The following ADORA2B variants were observed in gnomAD, a reference collection of about 807,000 sequenced individuals.
ADORA2B encodes the protein adenosine receptor A2b.
In ADORA2B, 18 loss-of-function variants were observed where a neutral mutation model predicts 20.8. That is an observed-to-expected ratio of 0.87 (90% CI 0.60 to 1.29). The LOEUF is 1.29. ADORA2B is among the 50% of genes most tolerant of loss of function. The pLI is 0.00. For missense variants in ADORA2B, 441 were observed against 422.7 expected, an observed-to-expected ratio of 1.04 and a Z score of -0.38; for synonymous variants, 179 against 178.3, an observed-to-expected ratio of 1.00 and a Z score of -0.03.
chr17:15,919,592 G>T, the ADORA2B span, among the ~76,000 whole-genome samples: 1 of 152,172 alleles, frequency 6.6e-6, no homozygotes, highest in African/African-American at 2.4e-5. Context: ...TGTGTCTTTG[G>T]TCACCTAGTG....
chr17:15,878,759 T>C, the ADORA2B span, among the ~76,000 whole-genome samples: 3 of 152,226 alleles, frequency 2.0e-5, no homozygotes, highest in Non-Finnish European at 4.4e-5. Context: ...CTTACATCTG[T>C]TTTGAATTTA....
chr17:15,940,533 G>A (rs1312857182), upstream of ADORA2B, among the ~76,000 whole-genome samples: 1 of 152,180 alleles, frequency 6.6e-6, no homozygotes, highest in African/African-American at 2.4e-5. Flanking sequence ...TGTGACTCCT[G>A]ATGTGTGCCA....
the ADORA2B span, among the ~76,000 whole-genome samples, chr17:15,877,460 G>T: frequency 6.6e-6 from 1 of 152,240 alleles, no homozygotes; most frequent in South Asian, 2.1e-4. Flanking sequence ...CCTGATGTCA[G>T]TGTCTTTAGG....
At chr17:15,967,891 G>T (rs998289050) in intron 1 of ADORA2B, among the ~76,000 whole-genome samples, 1 of 152,108 alleles carries the variant, frequency 6.6e-6, no homozygotes, top group Admixed American at 6.5e-5. Flanking sequence ...CAGTGTGAGT[G>T]GACGAAAAGG....
At chr17:15,967,096 G>A (rs1408818533) in intron 1 of ADORA2B, among the ~76,000 whole-genome samples, 1 of 152,208 alleles carries the variant, frequency 6.6e-6, no homozygotes. Flanking sequence ...CTGGCCTGGG[G>A]AGAGGACAGA....
At chr17:15,900,052 G>A in the ADORA2B span, among the ~76,000 whole-genome samples, 7 of 152,034 alleles carry the variant, frequency 4.6e-5, no homozygotes, top group East Asian at 7.8e-4. Context: ...GGGTGGTCTC[G>A]ATCTCTTGAC....
At chr17:15,862,778 A>G in the ADORA2B span, among the ~76,000 whole-genome samples, 1 of 151,192 alleles carries the variant, frequency 6.6e-6, no homozygotes, top group African/African-American at 2.4e-5. Context: ...TTATCAGTAT[A>G]CAAAATCGGC....
intron 1 of ADORA2B, among the ~76,000 whole-genome samples, chr17:15,946,381 C>T (rs546400480): frequency 6.6e-6 from 1 of 152,316 alleles, no homozygotes; most frequent in South Asian, 2.1e-4. Flanking sequence ...CTGAGAAAAT[C>T]TAGGATTCAG....
chr17:15,870,540 G>A, the ADORA2B span, among the ~76,000 whole-genome samples: 4 of 151,298 alleles, frequency 2.6e-5, no homozygotes, highest in African/African-American at 9.8e-5. Flanking sequence ...TTGAGCCCAG[G>A]AGGCAGAGGT....
the ADORA2B span, among the ~76,000 whole-genome samples, chr17:15,868,542 G>A: frequency 1.7e-4 from 23 of 137,640 alleles, 4 homozygotes; most frequent in South Asian, 5.4e-3. Flanking sequence ...GGAGGCCGAG[G>A]CGGGCGGATA....
chr17:15,908,203 T>C, the ADORA2B span, among the ~76,000 whole-genome samples: 1 of 152,110 alleles, frequency 6.6e-6, no homozygotes, highest in Non-Finnish European at 1.5e-5. Flanking sequence ...TCCTCCCACC[T>C]GAGCCTCACA....
At chr17:15,925,797 G>C in the ADORA2B span, among the ~76,000 whole-genome samples, 1 of 152,074 alleles carries the variant, frequency 6.6e-6, no homozygotes, top group Non-Finnish European at 1.5e-5. Context: ...GTGAAACCCT[G>C]TCTCTACTAA....
chr17:15,958,254 G>A (rs1156903285), intron 1 of ADORA2B, among the ~76,000 whole-genome samples: 1 of 152,128 alleles, frequency 6.6e-6, no homozygotes, highest in African/African-American at 2.4e-5. Context: ...CCAACGTCAG[G>A]TGATCTGCCC....
At chr17:15,868,891 T>A in the ADORA2B span, among the ~76,000 whole-genome samples, 1 of 150,972 alleles carries the variant, frequency 6.6e-6, no homozygotes, top group Admixed American at 6.6e-5. Flanking sequence ...ATAAATATAG[T>A]TTGAAGGGCT....
chr17:15,857,720 C>T, the ADORA2B span, among the ~76,000 whole-genome samples: 1 of 151,762 alleles, frequency 6.6e-6, no homozygotes, highest in Non-Finnish European at 1.5e-5. Flanking sequence ...GTCAATTTCT[C>T]CCATTTGGAA....
At position 15,959,557 on chromosome 17, in the gene ADORA2B, A is replaced by G. The variant is rs139823066; in HGVS notation, c.335+13974A>G. On this transcript the variant is annotated intron_variant, in intron 1 of 1. Transcript: ENST00000304222. Reference sequence around the variant, plus strand: ...GCTCTATCACCCAGGCTGGGGTGCAATGGCGCGATCTGAGCTCACGGCAAC... The same window carrying G: ...GCTCTATCACCCAGGCTGGGGTGCAGTGGCGCGATCTGAGCTCACGGCAAC... 7.2e-3 allele frequency among the ~76,000 whole-genome samples: 1,004 copies of G among 139,284 alleles called. 19 individuals carry two copies. Among genetic ancestry groups the G allele is most frequent in the African/African-American group, 0.025 (935 of 37,252 alleles). The allele number at this position is 139,284 out of a possible 152,430, so 91.4% of individuals were successfully genotyped here.
At chr17:15,939,859 C>CAAAAAA in the ADORA2B span, among the ~76,000 whole-genome samples, 5 of 53,360 alleles carry the variant, frequency 9.4e-5, no homozygotes, top group Non-Finnish European at 7.6e-5. Context: ...GACTCTGTCT[C>CAAAAAA]AAAAAAAAAA....
chr17:15,922,645 C>T, the ADORA2B span, among the ~76,000 whole-genome samples: 2 of 152,196 alleles, frequency 1.3e-5, no homozygotes, highest in African/African-American at 4.8e-5. Flanking sequence ...CAGTCTTTTG[C>T]TCTTATGACA....
chr17:15,945,205 GC>G lies in ADORA2B; in HGVS notation c.-43del. 6.5e-6 allele frequency: 9 copies of G among 1,375,196 alleles called. No individual in the cohort carries two copies. The highest frequency in any genetic ancestry group is 8.4e-6 in the Non-Finnish European group (9 of 1,071,838). The allele number at this position is 1,375,196 out of a possible 1,614,324, so 85.2% of individuals were successfully genotyped here. A position where few individuals can be genotyped will look rare whatever the true frequency, so the allele number is the denominator to read the frequency against. ...GTCTCACGCGGCTGCCCCTCGCCCG[GC>G]GCGCCTTCGGTAGGGGGCGCCCGGG... On this transcript the variant is annotated 5_prime_UTR_variant, in exon 1 of 2. It removes the in-frame stop codon of an upstream open reading frame in the 5' UTR. Transcript: ENST00000304222.
Sources: allele counts gnomAD v4.1 joint callset (sites outside exome capture counted in the v4.1 genomes callset), GRCh38; gene constraint gnomAD v4.1.1; transcripts MANE v1.5; gene names NCBI Gene and HGNC (gene_info 2026-07-23, HGNC 2026-07-21).